Variants in GBF1 observed in about 807,000 individuals in gnomAD.
The protein encoded by GBF1 is Golgi-specific brefeldin A-resistance guanine nucleotide exchange factor 1.
A neutral mutation model predicts 210.5 loss-of-function variants in GBF1; 114 were observed. The ratio of observed to expected loss-of-function variants is 0.54; its 90% CI spans 0.47 to 0.63. The LOEUF (loss-of-function observed/expected upper bound fraction) is 0.63, where lower values mean the gene tolerates loss of function less well. Among genes scored for constraint, GBF1 ranks in the 30% least tolerant of loss-of-function variants. The pLI, the probability that GBF1 is intolerant of heterozygous loss-of-function variation, is 0.00. For missense variants in GBF1, 1,851 were observed against 2,357.7 expected (o/e 0.79, Z 4.45); for synonymous variants, 850 against 889.2 (o/e 0.96, Z 0.78).
chr10:102,237,112 G>A, the GBF1 span, among the ~76,000 whole-genome samples: 1 of 152,164 alleles, frequency 6.6e-6, no homozygotes, highest in Middle Eastern at 3.2e-3. Flanking sequence ...AGTATTAGGT[G>A]TTAAGAGGGA....
At chr10:102,325,012 A>G (rs1326647238) in intron 3 of GBF1, among the ~76,000 whole-genome samples, 1 of 152,206 alleles carries the variant, frequency 6.6e-6, no homozygotes, top group Non-Finnish European at 1.5e-5. Flanking sequence ...CCCTCTCCAC[A>G]GTATGCACTC....
intron 6 of GBF1, among the ~76,000 whole-genome samples, 180 bp downstream of exon 6, chr10:102,352,131 C>T (rs1019990931): frequency 2.0e-5 from 3 of 152,198 alleles, no homozygotes; most frequent in Non-Finnish European, 4.4e-5. Context: ...GAATAGAGAC[C>T]TCAGCCCATT....
Position 102,359,211 on chromosome 10 carries a change from T to C in GBF1, c.1012-56T>C. The C allele has an allele frequency of 4.8e-6, 6 of 1,243,090 alleles. No homozygotes were observed. The South Asian group carries it at 7.2e-5, about 15-fold the overall frequency. The allele number at this position is 1,243,090 out of a possible 1,614,324, so 77.0% of individuals were successfully genotyped here. ...AAGACAGCTACTTCAGGGGAGTAAGTTCCAAGTTGCTCTTGCCTCATCCCT... is the reference window on the plus strand; with the variant it reads ...AAGACAGCTACTTCAGGGGAGTAAGCTCCAAGTTGCTCTTGCCTCATCCCT... On this transcript the variant is annotated intron_variant, in intron 10 of 39. Transcript: ENST00000369983.
chr10:102,233,193 C>T, the GBF1 span, among the ~76,000 whole-genome samples: 5 of 151,962 alleles, frequency 3.3e-5, no homozygotes, highest in South Asian at 2.1e-4. Context: ...TCGAGATTCG[C>T]TCAGGGACTC....
chr10:102,233,280 CTTCT>C, the GBF1 span, among the ~76,000 whole-genome samples: 2 of 145,508 alleles, frequency 1.4e-5, no homozygotes, highest in South Asian at 2.2e-4. Context: ...TCGTTTACGA[CTTCT>C]TTCTTTTTTT....
chr10:102,341,825 A>G lies in GBF1; in HGVS notation c.164-2226A>G, dbSNP rs748417912. Among the ~76,000 whole-genome samples, 50 of 152,220 alleles carry G rather than the reference A, an allele frequency of 3.3e-4. 1 individual carries two copies. Among genetic ancestry groups the G allele is most frequent in the Non-Finnish European group, 4.4e-4 (30 of 68,036 alleles). ...ATATATAAAACTGCCCTACTCTTTT[A>G]CCGTGAAGGAAGACATGAAGCAAGT... On this transcript the variant is annotated intron_variant, in intron 3 of 39. Transcript: ENST00000369983.
chr10:102,260,476 CTTTTTTTTTTTTTT>C (rs60452124), intron 3 of GBF1, among the ~76,000 whole-genome samples: 2 of 72,430 alleles, frequency 2.8e-5, no homozygotes, highest in Non-Finnish European at 4.7e-5. Context: ...TTCCTTTCTT[CTTTTTTTTTTTTTT>C]TTTTTTTTTG....
intron 8 of GBF1, among the ~76,000 whole-genome samples, chr10:102,354,265 C>A (rs567145338): frequency 2.6e-5 from 4 of 152,278 alleles, no homozygotes; most frequent in African/African-American, 9.6e-5. Context: ...TGCACCTGAC[C>A]TTCTCCTCTC....
At chr10:102,324,279 G>A (rs1370499824) in intron 3 of GBF1, among the ~76,000 whole-genome samples, 1 of 152,210 alleles carries the variant, frequency 6.6e-6, no homozygotes, top group African/African-American at 2.4e-5. Context: ...CAGAATGGGT[G>A]TGAAATTTAG....
intron 3 of GBF1, among the ~76,000 whole-genome samples, chr10:102,315,599 C>G (rs1031197056): frequency 2.0e-5 from 3 of 152,172 alleles, no homozygotes; most frequent in African/African-American, 7.2e-5. Context: ...GAGCACCAAC[C>G]TAGATCCCTC....
intron 1 of GBF1, among the ~76,000 whole-genome samples, chr10:102,257,759 A>G (rs991659015): frequency 6.6e-6 from 1 of 150,962 alleles, no homozygotes; most frequent in Non-Finnish European, 1.5e-5. Context: ...AGGGAAGACT[A>G]TATACTTAGG....
At position 102,364,445 on chromosome 10, in the gene GBF1, T is replaced by C. The variant is rs1371715683; in HGVS notation, c.2106+647T>C. Among the ~76,000 whole-genome samples the C allele has an allele frequency of 4.7e-5, 7 of 149,050 alleles. No individual in the cohort carries two copies. The South Asian group carries it at 6.6e-4, about 14-fold the overall frequency. On this transcript the variant is annotated intron_variant, in intron 17 of 39. Transcript: ENST00000369983. Reference sequence around the variant, plus strand: ...TTCACCGTGTTAGCCAGGGTGGTCTTGATCTCCTGACCTCGTGATCTGCCC... The same window carrying C: ...TTCACCGTGTTAGCCAGGGTGGTCTCGATCTCCTGACCTCGTGATCTGCCC...
Position 102,380,462 on chromosome 10 carries a change from C to G in GBF1, c.4993-44C>G, listed in dbSNP as rs776344976. The G allele has an allele frequency of 8.1e-6, 13 of 1,597,738 alleles. No individual in the cohort carries two copies. In the South Asian group the frequency reaches 1.3e-4, roughly 16 times the overall value. On this transcript the variant is annotated intron_variant, in intron 37 of 39. Coordinates refer to ENST00000369983, the MANE Select transcript of GBF1 (RefSeq NM_001377137.1). ...GCTACCTCCCTTTACCATACTCCCCCCATGCCCTCTTTCCTATTCTCATGG... is the reference window on the plus strand; with the variant it reads ...GCTACCTCCCTTTACCATACTCCCCGCATGCCCTCTTTCCTATTCTCATGG...
rs373703734 is a variant in GBF1, at chr10:102,370,416, A to G, written c.3444A>G (p.Thr1148=). 1.2e-6 allele frequency: 2 copies of G among 1,613,080 alleles called. No homozygotes were observed. The highest frequency in any genetic ancestry group is 8.5e-7 in the Non-Finnish European group (1 of 1,179,124). ...ALVSVTPDEE[T]YDEEDAAFCL... is the part of the protein sequence containing the mutation. ...TCTCAGTGACACCAGATGAAGAGAC[A>G]TATGATGAGGAAGATGCTGCTTTCT... Residue 1148 remains threonine (T), a synonymous_variant, in exon 28 of 40, where the codon ACA becomes ACG. Coordinates refer to ENST00000369983, the MANE Select transcript of GBF1 (RefSeq NM_001377137.1).
chr10:102,288,668 G>A (rs1175193397), intron 3 of GBF1, among the ~76,000 whole-genome samples: 11 of 140,110 alleles, frequency 7.9e-5, no homozygotes, highest in Non-Finnish European at 1.5e-4. Flanking sequence ...CCGAGATTGC[G>A]CCACTGCAGT....
At chr10:102,374,549 C>T (rs1479882937) in intron 29 of GBF1, among the ~76,000 whole-genome samples, 1 of 151,846 alleles carries the variant, frequency 6.6e-6, no homozygotes, top group East Asian at 1.9e-4. Flanking sequence ...CATACCACTG[C>T]ACTCCAGCCT....
chr10:102,250,738 C>T (rs2071408919), intron 1 of GBF1, among the ~76,000 whole-genome samples: 1 of 152,040 alleles, frequency 6.6e-6, no homozygotes, highest in Admixed American at 6.6e-5. Context: ...AGGCAGATCA[C>T]CTGAGGTCAG....
At chr10:102,271,748 A>G (rs2074444160) in intron 3 of GBF1, among the ~76,000 whole-genome samples, 1 of 151,984 alleles carries the variant, frequency 6.6e-6, no homozygotes, top group African/African-American at 2.4e-5. Flanking sequence ...TATTATTATT[A>G]TCATCATTAC....
chr10:102,370,375 C>A lies in GBF1; in HGVS notation c.3412-9C>A. On this transcript the variant is annotated splice_polypyrimidine_tract_variant and intron_variant, in intron 27 of 39. Transcript: ENST00000369983. The stretch of plus-strand genomic sequence containing the variant: ...CCATGCCTACTTTCCTGCTGCTGTT[C>A]CCCTTCAGGCTCTGGTCTCAGTGAC... The A allele has an allele frequency of 6.3e-7, 1 of 1,594,270 alleles. No individual in the cohort carries two copies. Among genetic ancestry groups the A allele is most frequent in the Non-Finnish European group, 8.6e-7 (1 of 1,162,210 alleles).
Sources: gnomAD v4.1 joint callset for allele counts (sites outside exome capture counted in the v4.1 genomes callset) on GRCh38, gnomAD v4.1.1 for gene constraint, MANE v1.5 for transcripts, NCBI Gene and HGNC (gene_info 2026-07-23, HGNC 2026-07-21) for gene names.